The following SEPTIN14 variants were observed in gnomAD, a reference collection of about 807,000 sequenced individuals.
The protein encoded by SEPTIN14 is septin 14.
In SEPTIN14, 40 loss-of-function variants were observed where a neutral mutation model predicts 53.6. That is an observed-to-expected ratio of 0.75 (90% CI 0.58 to 0.97). The LOEUF is 0.97. Among genes scored for constraint, SEPTIN14 ranks in the 50% least tolerant of loss-of-function variants. The probability of loss-of-function intolerance (pLI) is 0.00; values close to 1 mark genes in which losing one functional copy is unlikely to be tolerated. For synonymous variants in SEPTIN14, 138 were observed against 166.8 expected (o/e 0.83, Z 1.33); for missense variants, 471 against 508.2 (o/e 0.93, Z 0.70).
intron 7 of SEPTIN14, among the ~76,000 whole-genome samples, chr7:55,808,665 C>A (rs1788647572): frequency 6.6e-6 from 1 of 152,150 alleles, no homozygotes; most frequent in Non-Finnish European, 1.5e-5. Context: ...GATTCTCCAA[C>A]CTCAGCCTCT....
intron 5 of SEPTIN14, among the ~76,000 whole-genome samples, chr7:55,838,940 T>C (rs1013277038): frequency 6.6e-6 from 1 of 152,156 alleles, no homozygotes; most frequent in African/African-American, 2.4e-5. Flanking sequence ...AAGTTTTAAA[T>C]TGCATGCAAT....
At chr7:55,840,204 TG>T (rs1178753247) in intron 5 of SEPTIN14, among the ~76,000 whole-genome samples, 19 of 141,656 alleles carry the variant, frequency 1.3e-4, no homozygotes, top group African/African-American at 4.8e-4. Context: ...AGATAAAATG[TG>T]AGGCCGGGCA....
chr7:55,858,802 C>T (rs1447118503), intron 2 of SEPTIN14, among the ~76,000 whole-genome samples: 1 of 151,458 alleles, frequency 6.6e-6, no homozygotes. Flanking sequence ...GAAACTCTAT[C>T]CCCCGCCAAA....
chr7:55,795,836 G>A lies in SEPTIN14; in HGVS notation c.*77C>T, dbSNP rs534778118. 1.8e-6 allele frequency: 2 copies of A among 1,115,606 alleles called. No homozygotes were observed. Among genetic ancestry groups the A allele is most frequent in the South Asian group, 1.3e-5 (1 of 76,640 alleles). The allele number at this position is 1,115,606 out of a possible 1,614,324, so 69.1% of individuals were successfully genotyped here. A position where few individuals can be genotyped will look rare whatever the true frequency, so the allele number is the denominator to read the frequency against. On this transcript the variant is annotated 3_prime_UTR_variant, in exon 10 of 10. Coordinates refer to ENST00000388975, the MANE Select transcript of SEPTIN14 (RefSeq NM_207366.3). Reference sequence around the variant, plus strand: ...CAATTTTTAAAATGAGAACTTCAGAGTTAAATGCTACAAAGACAATCTCAC... The same window carrying A: ...CAATTTTTAAAATGAGAACTTCAGAATTAAATGCTACAAAGACAATCTCAC...
intron 2 of SEPTIN14, among the ~76,000 whole-genome samples, chr7:55,852,006 G>A (rs1286780839): frequency 2.0e-5 from 3 of 151,970 alleles, no homozygotes; most frequent in Admixed American, 6.6e-5. Flanking sequence ...GCCAGGTGTG[G>A]TGGTGGGTGC....
At chr7:55,830,321 G>GTATATATATATATA (rs746498199) in intron 6 of SEPTIN14, among the ~76,000 whole-genome samples, 9 of 84,700 alleles carry the variant, frequency 1.1e-4, no homozygotes, top group African/African-American at 4.9e-4. Context: ...TTATCCAACT[G>GTATATATATATATA]TATATATATA....
chr7:55,819,042 C>A, intron 7 of SEPTIN14, 85 bp downstream of exon 7: 1 of 777,766 alleles, frequency 1.3e-6, no homozygotes, highest in South Asian at 1.6e-5. Flanking sequence ...AATATTAGTT[C>A]AAGTTAAAAT....
At chr7:55,799,518 C>CAAAAAAAAAAA (rs59445168) in intron 9 of SEPTIN14, among the ~76,000 whole-genome samples, 1 of 62,896 alleles carries the variant, frequency 1.6e-5, no homozygotes, top group African/African-American at 5.5e-5. Flanking sequence ...ACTCTTGTCT[C>CAAAAAAAAAAA]AAAAAAAAAA....
chr7:55,825,963 G>A (rs1014140623), intron 6 of SEPTIN14, among the ~76,000 whole-genome samples: 22 of 152,208 alleles, frequency 1.4e-4, no homozygotes, highest in Non-Finnish European at 2.8e-4. Context: ...TTAGCTGGGC[G>A]TGGTGGCAGG....
chr7:55,829,333 C>T (rs1206515131), intron 6 of SEPTIN14, among the ~76,000 whole-genome samples: 5 of 147,188 alleles, frequency 3.4e-5, no homozygotes, highest in African/African-American at 1.0e-4. Flanking sequence ...GAGCCAAGAT[C>T]GTGCCACTGA....
intron 2 of SEPTIN14, among the ~76,000 whole-genome samples, chr7:55,858,127 T>C (rs1378511609): frequency 1.3e-5 from 2 of 152,168 alleles, no homozygotes; most frequent in Non-Finnish European, 2.9e-5. Flanking sequence ...AAGCACTCTC[T>C]TAGGGCGCTG....
At chr7:55,836,490 G>A (rs1389051964) in intron 5 of SEPTIN14, among the ~76,000 whole-genome samples, 1 of 152,178 alleles carries the variant, frequency 6.6e-6, no homozygotes, top group Non-Finnish European at 1.5e-5. Flanking sequence ...TGTAATCCCA[G>A]CACTTTGGGA....
chr7:55,849,151 C>T (rs1429851258), intron 2 of SEPTIN14, among the ~76,000 whole-genome samples: 1 of 151,316 alleles, frequency 6.6e-6, no homozygotes, highest in Non-Finnish European at 1.5e-5. Flanking sequence ...ATAGTGAAAC[C>T]CTGTCTCTAC....
At chr7:55,806,549 C>T (rs1297905103) in intron 8 of SEPTIN14, among the ~76,000 whole-genome samples, 1 of 150,716 alleles carries the variant, frequency 6.6e-6, no homozygotes, top group African/African-American at 2.4e-5. Context: ...CTGCAACCTC[C>T]GCCTCCAGGG....
intron 2 of SEPTIN14, among the ~76,000 whole-genome samples, chr7:55,853,993 T>C (rs1045185296): frequency 6.6e-6 from 1 of 152,064 alleles, no homozygotes; most frequent in Non-Finnish European, 1.5e-5. Flanking sequence ...TGGTGGTACA[T>C]GCTCGTCGTC....
chr7:55,844,692 G>GC lies in SEPTIN14; in HGVS notation c.201_202insG (p.Leu68AlafsTer7). On this transcript the variant is annotated frameshift_variant, in exon 4 of 10. Coordinates refer to ENST00000388975, the MANE Select transcript of SEPTIN14 (RefSeq NM_207366.3). LOFTEE classifies it high-confidence loss of function. ...TTAGTATTAAACAATGTGTCTATCA[G>GC]TGTCGATTTTCCAATTCCAGTCTCC... 2.5e-6 allele frequency: 4 copies of GC among 1,599,330 alleles called. No homozygotes were observed. The highest frequency in any genetic ancestry group is 2.3e-5 in the South Asian group (2 of 88,828).
At chr7:55,805,226 A>C in intron 9 of SEPTIN14, 32 bp downstream of exon 9, 1 of 1,582,076 alleles carries the variant, frequency 6.3e-7, no homozygotes, top group Non-Finnish European at 8.6e-7. Context: ...CCTAAAAATT[A>C]ATACAAATTA....
intron 6 of SEPTIN14, among the ~76,000 whole-genome samples, chr7:55,822,333 C>T (rs1434504018): frequency 3.9e-5 from 6 of 152,186 alleles, no homozygotes; most frequent in Admixed American, 1.3e-4. Context: ...TGTTCCATAA[C>T]TTAACCTATG....
chr7:55,839,761 C>G (rs1304740262), intron 5 of SEPTIN14, among the ~76,000 whole-genome samples: 1 of 152,090 alleles, frequency 6.6e-6, no homozygotes, highest in African/African-American at 2.4e-5. Flanking sequence ...TCTCCCCCAG[C>G]AACCAAAAAA....
Sources: allele counts gnomAD v4.1 joint callset (sites outside exome capture counted in the v4.1 genomes callset), GRCh38; gene constraint gnomAD v4.1.1; transcripts MANE v1.5; gene names NCBI Gene and HGNC (gene_info 2026-07-23, HGNC 2026-07-21).